Variants in FAM78B observed in about 807,000 individuals in gnomAD.
FAM78B encodes family with sequence similarity 78 member B.
Under a neutral mutation model 20.0 loss-of-function variants are expected in FAM78B, and 10 were observed. That is an observed-to-expected ratio of 0.50 (90% CI 0.31 to 0.85). FAM78B has a LOEUF of 0.85. Ranked by LOEUF, FAM78B falls within the 40% of genes least tolerant of loss-of-function variation. The pLI, the probability that FAM78B is intolerant of heterozygous loss-of-function variation, is 0.05. For missense variants in FAM78B, 283 were observed against 345.0 expected, an observed-to-expected ratio of 0.82 and a Z score of 1.42; for synonymous variants, 135 against 132.8, an observed-to-expected ratio of 1.02 and a Z score of -0.12.
rs151242574 is a variant in FAM78B, at chr1:166,084,907, A to G, written c.264-14144T>C. On this transcript the variant is annotated intron_variant, in intron 1 of 1. Coordinates refer to ENST00000354422, the MANE Select transcript of FAM78B (RefSeq NM_001017961.5). Reference sequence around the variant, plus strand: ...CTGTACCTGGAGTCTACAATCCTGCAGGTCCTGTGGCTATAAAAGGCCTTA... The same window carrying G: ...CTGTACCTGGAGTCTACAATCCTGCGGGTCCTGTGGCTATAAAAGGCCTTA... Among the ~76,000 whole-genome samples the G allele has an allele frequency of 3.9e-3, 595 of 152,328 alleles. 9 individuals are homozygous for G. The East Asian group carries it at 0.055, about 14-fold the overall frequency.
chr1:166,149,312 C>T (rs915199543), intron 1 of FAM78B, among the ~76,000 whole-genome samples: 1 of 152,126 alleles, frequency 6.6e-6, no homozygotes, highest in African/African-American at 2.4e-5. Flanking sequence ...TTATAGAAAA[C>T]AGATATCTTA....
intron 1 of FAM78B, among the ~76,000 whole-genome samples, chr1:166,124,942 C>T (rs1654586873): frequency 6.6e-6 from 1 of 152,034 alleles, no homozygotes; most frequent in Non-Finnish European, 1.5e-5. Flanking sequence ...CAGTACCCTA[C>T]ACCCACCAGG....
At chr1:166,128,459 C>T (rs371246384) in intron 1 of FAM78B, among the ~76,000 whole-genome samples, 3 of 152,348 alleles carry the variant, frequency 2.0e-5, no homozygotes, top group South Asian at 2.1e-4. Context: ...CCTCTCTGCA[C>T]TCTGTCCCTT....
In FAM78B at chr1:166,070,272, C is replaced by T; in HGVS notation, c.755G>A (p.Gly252Glu). The T allele has an allele frequency of 6.4e-7, 1 of 1,553,940 alleles. No individual in the cohort carries two copies. The highest frequency in any genetic ancestry group is 8.7e-7 in the Non-Finnish European group (1 of 1,148,686). Residue 252 changes from glycine to glutamate, a missense_variant, in exon 2 of 2, where the codon GGG (glycine) becomes GAG (glutamate). By Grantham distance (98) the Gly-to-Glu change is moderately conservative. Transcript: ENST00000354422. Reference protein sequence around the residue: ...AQVLMWRPKRGPPLVVIPPK With the variant: ...AQVLMWRPKREPPLVVIPPK ...AGGAGGGATCACAACCAGAGGTGGC[C>T]CCCGCTTGGGCCTCCACATGAGGAC...
exon 3 of FAM78B, chr1:166,057,494 T>A (rs1651395946): frequency 6.6e-6 from 1 of 152,218 alleles, no homozygotes; most frequent in South Asian, 2.1e-4. Context: ...AAATGCAACA[T>A]CTGTTTGAGT....
chr1:166,155,968 C>T (rs1450715713), intron 1 of FAM78B, among the ~76,000 whole-genome samples: 1 of 152,228 alleles, frequency 6.6e-6, no homozygotes, highest in Non-Finnish European at 1.5e-5. Flanking sequence ...TACCTGCCGC[C>T]ACACATGCCC....
chr1:166,162,745 C>G (rs1007422352), intron 1 of FAM78B, among the ~76,000 whole-genome samples: 2 of 152,168 alleles, frequency 1.3e-5, no homozygotes, highest in African/African-American at 4.8e-5. Flanking sequence ...CTGGGCCCAC[C>G]CAACAGACCC....
intron 1 of FAM78B, among the ~76,000 whole-genome samples, chr1:166,084,623 T>G (rs142604367): frequency 2.0e-5 from 3 of 152,352 alleles, no homozygotes; most frequent in Admixed American, 1.3e-4. Flanking sequence ...ACTGTAAGGC[T>G]GTAAGGCTCC....
exon 3 of FAM78B, chr1:166,059,092 T>C (rs1377341040): frequency 3.9e-5 from 6 of 152,610 alleles, no homozygotes; most frequent in African/African-American, 1.4e-4. Flanking sequence ...TTTAAACTTT[T>C]GGAGTTTGGG....
chr1:166,109,738 T>C (rs937436534), intron 1 of FAM78B, among the ~76,000 whole-genome samples: 1 of 144,226 alleles, frequency 6.9e-6, no homozygotes, highest in Non-Finnish European at 1.5e-5. Context: ...AATTCACAAT[T>C]GCAAAATTGT....
intron 1 of FAM78B, among the ~76,000 whole-genome samples, chr1:166,101,132 C>A (rs957467346): frequency 7.2e-5 from 11 of 152,196 alleles, no homozygotes; most frequent in Admixed American, 6.5e-5. Flanking sequence ...ACTGAGGGTC[C>A]CGACTGTTAG....
intron 1 of FAM78B, among the ~76,000 whole-genome samples, chr1:166,136,019 A>G (rs1655050341): frequency 6.6e-6 from 1 of 152,226 alleles, no homozygotes; most frequent in Non-Finnish European, 1.5e-5. Context: ...AACATGAAGC[A>G]GAAGGAACAT....
chr1:166,073,815 A>G (rs1652152158), intron 1 of FAM78B, among the ~76,000 whole-genome samples: 2 of 152,060 alleles, frequency 1.3e-5, no homozygotes, highest in African/African-American at 4.8e-5. Context: ...CCCACTGCTC[A>G]CCCAATCTTC....
intron 1 of FAM78B, among the ~76,000 whole-genome samples, chr1:166,096,426 T>G (rs1653277691): frequency 6.6e-6 from 1 of 151,944 alleles, no homozygotes; most frequent in Admixed American, 6.5e-5. Context: ...TCACTCTACA[T>G]CCATCTCTTC....
intron 1 of FAM78B, among the ~76,000 whole-genome samples, chr1:166,116,851 G>T (rs773436743): frequency 7.2e-5 from 11 of 152,122 alleles, no homozygotes; most frequent in Admixed American, 6.5e-4. Flanking sequence ...TGTAAAATGG[G>T]AGAATTAAGA....
chr1:166,106,332 G>A (rs1194861008), intron 1 of FAM78B, among the ~76,000 whole-genome samples: 5 of 147,614 alleles, frequency 3.4e-5, no homozygotes, highest in African/African-American at 1.3e-4. Flanking sequence ...TTGTGCACAT[G>A]TACCCTAAAA....
chr1:166,163,667 T>C (rs1387394325), intron 1 of FAM78B, among the ~76,000 whole-genome samples: 1 of 152,200 alleles, frequency 6.6e-6, no homozygotes, highest in Non-Finnish European at 1.5e-5. Flanking sequence ...GCAATATGAA[T>C]TCCCATTAAA....
chr1:166,065,804 A>T (rs770720373), downstream of FAM78B, among the ~76,000 whole-genome samples: 1 of 152,242 alleles, frequency 6.6e-6, no homozygotes, highest in Non-Finnish European at 1.5e-5. Context: ...CTGTGTGCAC[A>T]GAGCTTGCTC....
chr1:166,070,121 G>A lies in FAM78B; in HGVS notation c.*120C>T. On this transcript the variant is annotated 3_prime_UTR_variant, in exon 2 of 2. Coordinates refer to ENST00000354422, the MANE Select transcript of FAM78B (RefSeq NM_001017961.5). ...CCTACTCTTCAAAAGTGGCTGCAAA[G>A]GCTGGCAAACCGAGAGGTCTGCTTT... 7.1e-7 allele frequency: 1 copy of A among 1,400,306 alleles called. No individual in the cohort carries two copies. The highest frequency in any genetic ancestry group is 9.3e-7 in the Non-Finnish European group (1 of 1,071,824). 86.7% of individuals were successfully genotyped at this position (1,400,306 alleles called of 1,614,324 possible). A position where few individuals can be genotyped will look rare whatever the true frequency, so the allele number is the denominator to read the frequency against.
Sources: allele counts gnomAD v4.1 joint callset (sites outside exome capture counted in the v4.1 genomes callset), GRCh38; gene constraint gnomAD v4.1.1; transcripts MANE v1.5; gene names NCBI Gene and HGNC (gene_info 2026-07-23, HGNC 2026-07-21).